Variants in SPRED2 observed in about 807,000 individuals in gnomAD.
The protein encoded by SPRED2 is sprouty related EVH1 domain containing 2.
SPRED2 carries 47 observed loss-of-function variants against 43.0 expected under a neutral mutation model. The ratio of observed to expected loss-of-function variants is 1.09; its 90% CI spans 0.87 to 1.40. The LOEUF (loss-of-function observed/expected upper bound fraction) is 1.40. Ranked by LOEUF, SPRED2 falls within the 40% of genes most tolerant of loss-of-function variation. The pLI is 0.00. For synonymous variants in SPRED2, 225 were observed against 225.7 expected, an observed-to-expected ratio of 1.00 and a Z score of 0.03; for missense variants, 561 against 586.4, an observed-to-expected ratio of 0.96 and a Z score of 0.45.
chr2:65,370,151 C>A (rs367924522), intron 1 of SPRED2, among the ~76,000 whole-genome samples: 2 of 152,170 alleles, frequency 1.3e-5, no homozygotes, highest in African/African-American at 4.8e-5. Flanking sequence ...TTCAACCTTG[C>A]CTACACTTAA....
At chr2:65,417,891 A>G (rs1469828721) in intron 1 of SPRED2, among the ~76,000 whole-genome samples, 1 of 152,266 alleles carries the variant, frequency 6.6e-6, no homozygotes, top group African/African-American at 2.4e-5. Flanking sequence ...GAGTGCTGTG[A>G]GAAGTAACAA....
chr2:65,389,254 T>C (rs1675577585), intron 1 of SPRED2, among the ~76,000 whole-genome samples: 1 of 151,920 alleles, frequency 6.6e-6, no homozygotes, highest in South Asian at 2.1e-4. Flanking sequence ...TTTTTTTTTT[T>C]TTTTTTTAAG....
At chr2:65,347,223 C>T (rs1277467734) in intron 1 of SPRED2, among the ~76,000 whole-genome samples, 1 of 152,052 alleles carries the variant, frequency 6.6e-6, no homozygotes, top group Non-Finnish European at 1.5e-5. Flanking sequence ...ATTCTCTACT[C>T]CTCCCCTTGC....
chr2:65,363,362 CG>C (rs1558669795), intron 1 of SPRED2, among the ~76,000 whole-genome samples: 1 of 152,054 alleles, frequency 6.6e-6, no homozygotes, highest in African/African-American at 2.4e-5. Context: ...AACATGTACC[CG>C]GAAGAATGTT....
intron 4 of SPRED2, among the ~76,000 whole-genome samples, chr2:65,326,381 G>A (rs535637851): frequency 1.1e-4 from 17 of 152,264 alleles, no homozygotes; most frequent in East Asian, 9.7e-4. Context: ...ACAGGAAGTC[G>A]TCTGCCATTT....
At chr2:65,396,199 T>G (rs966873816) in intron 1 of SPRED2, among the ~76,000 whole-genome samples, 4 of 152,198 alleles carry the variant, frequency 2.6e-5, no homozygotes, top group South Asian at 2.1e-4. Context: ...CTTCCTCTCT[T>G]CCACCTGTTT....
chr2:65,307,935 C>T (rs987695333), downstream of SPRED2, among the ~76,000 whole-genome samples: 2 of 152,262 alleles, frequency 1.3e-5, no homozygotes, highest in African/African-American at 4.8e-5. Flanking sequence ...CACAAGCCTC[C>T]TCCCCACACC....
At chr2:65,419,534 AG>A (rs1468382618) in intron 1 of SPRED2, among the ~76,000 whole-genome samples, 1 of 152,092 alleles carries the variant, frequency 6.6e-6, no homozygotes, top group Non-Finnish European at 1.5e-5. Context: ...AAGGACTCAA[AG>A]GGAAAAAATT....
chr2:65,309,369 G>C (rs1673010425), downstream of SPRED2, among the ~76,000 whole-genome samples: 1 of 151,810 alleles, frequency 6.6e-6, no homozygotes, highest in Non-Finnish European at 1.5e-5. Context: ...AGCTGGGCAT[G>C]GTGATGTGCA....
At chr2:65,319,318 T>A (rs1394825647) in intron 4 of SPRED2, among the ~76,000 whole-genome samples, 1 of 152,158 alleles carries the variant, frequency 6.6e-6, no homozygotes, top group Non-Finnish European at 1.5e-5. Context: ...TAGAGAGACT[T>A]TTGACAGAGC....
Position 65,311,157 on chromosome 2 carries a change from C to G in SPRED2, c.*2344G>C, listed in dbSNP as rs554359384. ...GGTTAATGTTTTGTTACCACAGATA[C>G]AAAAATAAAATCTGAATAATTTCTC... On this transcript the variant is annotated 3_prime_UTR_variant, in exon 6 of 6. Transcript: ENST00000356388. 223 of 985,714 alleles carry G rather than the reference C, an allele frequency of 2.3e-4. No individual in the cohort carries two copies. In the African/African-American group the frequency reaches 3.8e-3, roughly 17 times the overall value. 61.1% of individuals were successfully genotyped at this position (985,714 alleles called of 1,614,324 possible).
At chr2:65,392,464 C>T (rs1675662618) in intron 1 of SPRED2, among the ~76,000 whole-genome samples, 1 of 152,224 alleles carries the variant, frequency 6.6e-6, no homozygotes, top group Non-Finnish European at 1.5e-5. Flanking sequence ...GCGTGAGCCA[C>T]TAAACCCAGT....
rs1381899576 is a variant in SPRED2, at chr2:65,393,358, G to A, written c.26+38604C>T. 4.1e-5 allele frequency among the ~76,000 whole-genome samples: 6 copies of A among 147,242 alleles called. No individual in the cohort carries two copies. In the East Asian group the frequency reaches 1.2e-3, roughly 29 times the overall value. ...TTTTTTTTCTTTTTTTTGAGATGGA[G>A]TCTGGCTCTGTCTCCCAGGCTGGAG... is the stretch of plus-strand genomic sequence containing the variant. On this transcript the variant is annotated intron_variant, in intron 1 of 5. Transcript: ENST00000356388.
At chr2:65,327,235 G>T (rs984614109) in intron 4 of SPRED2, among the ~76,000 whole-genome samples, 1 of 152,184 alleles carries the variant, frequency 6.6e-6, no homozygotes, top group African/African-American at 2.4e-5. Flanking sequence ...TCACTGGAGG[G>T]ACTGAGGGGA....
intron 1 of SPRED2, among the ~76,000 whole-genome samples, chr2:65,360,100 CA>C (rs57801875): frequency 0.65 from 66,586 of 103,074 alleles, 17,986 homozygotes; most frequent in Non-Finnish European, 0.68. Flanking sequence ...AAAAAAAAAA[CA>C]AAAAAAAAAA....
rs1339304763 is a variant in SPRED2 at position 65,432,353 on chromosome 2, G to A, written c.-366C>T. On this transcript the variant is annotated 5_prime_UTR_variant, in exon 1 of 6. Transcript: ENST00000356388. ...GCAGGGACTGCTGCGAGGAGGAGGA[G>A]AGCGCCGGCCGCGGGTGGGGGGGCT... Among the ~76,000 whole-genome samples the A allele has an allele frequency of 2.6e-5, 4 of 151,038 alleles. No individual in the cohort carries two copies. The highest frequency in any genetic ancestry group is 9.7e-5 in the African/African-American group (4 of 41,074).
At position 65,311,717 on chromosome 2, in the gene SPRED2, C is replaced by T. The variant is rs1261602771; in HGVS notation, c.*1784G>A. The T allele has an allele frequency of 9.1e-6, 9 of 985,436 alleles. No individual in the cohort carries two copies. The highest frequency in any genetic ancestry group is 1.1e-5 in the Non-Finnish European group (9 of 829,926). The allele number at this position is 985,436 out of a possible 1,614,324, so 61.0% of individuals were successfully genotyped here. A position where few individuals can be genotyped will look rare whatever the true frequency, so the allele number is the denominator to read the frequency against. Reference sequence around the variant, plus strand: ...CAAACTGGAAAGCCTAAACCAGTTACTCCAATGAATGAAGACGTCTACTAA... The same window carrying T: ...CAAACTGGAAAGCCTAAACCAGTTATTCCAATGAATGAAGACGTCTACTAA... On this transcript the variant is annotated 3_prime_UTR_variant, in exon 6 of 6. Coordinates refer to ENST00000356388, the MANE Select transcript of SPRED2 (RefSeq NM_181784.3).
intron 1 of SPRED2, among the ~76,000 whole-genome samples, chr2:65,410,945 G>C (rs1036025427): frequency 2.0e-5 from 3 of 151,992 alleles, no homozygotes; most frequent in African/African-American, 4.8e-5. Flanking sequence ...CTGCCATCGG[G>C]ACAGGGGTCA....
intron 1 of SPRED2, among the ~76,000 whole-genome samples, chr2:65,407,351 G>A (rs1676049279): frequency 6.7e-6 from 1 of 148,246 alleles, no homozygotes; most frequent in Non-Finnish European, 1.5e-5. Context: ...ACAGGAAACT[G>A]AGGTGGCTGC....
Sources: gnomAD v4.1 joint callset for allele counts (sites outside exome capture counted in the v4.1 genomes callset) on GRCh38, gnomAD v4.1.1 for gene constraint, MANE v1.5 for transcripts, NCBI Gene and HGNC (gene_info 2026-07-23, HGNC 2026-07-21) for gene names.